The following LCORL variants were observed in gnomAD, a reference collection of about 807,000 sequenced individuals.
The protein encoded by LCORL is ligand dependent nuclear receptor corepressor like.
Under a neutral mutation model 141.8 loss-of-function variants are expected in LCORL, and 41 were observed. The ratio of observed to expected loss-of-function variants is 0.29; its 90% confidence interval spans 0.23 to 0.38. The LOEUF (loss-of-function observed/expected upper bound fraction) is 0.38, where lower values mean the gene tolerates loss of function less well. Among genes scored for constraint, LCORL ranks in the 10% least tolerant of loss-of-function variants. LCORL has a pLI of 1.00. For synonymous variants in LCORL, 618 were observed against 694.1 expected, an observed-to-expected ratio of 0.89 and a Z score of 1.72; for missense variants, 1,759 against 2,035.0, an observed-to-expected ratio of 0.86 and a Z score of 2.61.
At chr4:17,893,734 C>T (rs1484475716) in intron 5 of LCORL, among the ~76,000 whole-genome samples, 1 of 152,116 alleles carries the variant, frequency 6.6e-6, no homozygotes, top group Non-Finnish European at 1.5e-5. Context: ...GTATCTTCAA[C>T]TAGAATCAAA....
intron 7 of LCORL, among the ~76,000 whole-genome samples, chr4:17,854,152 G>T (rs752822387): frequency 2.0e-5 from 3 of 152,082 alleles, no homozygotes; most frequent in African/African-American, 7.2e-5. Flanking sequence ...TAGAGCTCGA[G>T]TTCTGATCCT....
chr4:17,945,399 T>A (rs1738698603), intron 4 of LCORL, among the ~76,000 whole-genome samples: 1 of 149,614 alleles, frequency 6.7e-6, no homozygotes, highest in Non-Finnish European at 1.5e-5. Context: ...ACTGACTGGC[T>A]TATAAATTGG....
At chr4:17,917,281 C>T (rs1260091169) in intron 4 of LCORL, among the ~76,000 whole-genome samples, 1 of 152,206 alleles carries the variant, frequency 6.6e-6, no homozygotes, top group African/African-American at 2.4e-5. Flanking sequence ...CTCACTCTGC[C>T]TCCTGGGTTC....
At chr4:17,932,363 AAG>A (rs1736187566) in intron 4 of LCORL, among the ~76,000 whole-genome samples, 1 of 152,096 alleles carries the variant, frequency 6.6e-6, no homozygotes, top group African/African-American at 2.4e-5. Flanking sequence ...TTCAGTATTT[AAG>A]AGAGTTTGTC....
intron 1 of LCORL, among the ~76,000 whole-genome samples, chr4:17,986,193 A>G (rs144605324): frequency 2.1e-3 from 326 of 152,204 alleles, no homozygotes; most frequent in African/African-American, 7.3e-3. Flanking sequence ...TACCTTTAAC[A>G]TTCTTTCATT....
intron 5 of LCORL, among the ~76,000 whole-genome samples, chr4:17,888,193 C>G (rs925089227): frequency 6.6e-6 from 1 of 152,026 alleles, no homozygotes; most frequent in African/African-American, 2.4e-5. Context: ...TAAATGTTTG[C>G]TGAATAGAAT....
rs115501980 is a variant in LCORL at position 17,962,429 on chromosome 4, C to T, written c.301-397G>A. 2.6e-3 allele frequency among the ~76,000 whole-genome samples: 402 copies of T among 152,132 alleles called. 3 individuals are homozygous for T. The highest frequency in any genetic ancestry group is 9.2e-3 in the African/African-American group (381 of 41,536). ...TTTCAATTCTTCTCAGCCCTTCTCACAACAGTAGAAAAGAAATCAGAATTT... is the reference window on the plus strand; with the variant it reads ...TTTCAATTCTTCTCAGCCCTTCTCATAACAGTAGAAAAGAAATCAGAATTT... On this transcript the variant is annotated intron_variant, in intron 3 of 7. Transcript: ENST00000635767.
chr4:17,969,682 T>A (rs1014609871), intron 2 of LCORL, among the ~76,000 whole-genome samples: 1 of 152,154 alleles, frequency 6.6e-6, no homozygotes, highest in Admixed American at 6.5e-5. Flanking sequence ...ACATCAAGCA[T>A]GGGTTAAATT....
intron 4 of LCORL, among the ~76,000 whole-genome samples, chr4:17,929,017 C>T (rs1735589655): frequency 6.6e-6 from 1 of 151,958 alleles, no homozygotes; most frequent in Admixed American, 6.6e-5. Flanking sequence ...AAAACAATTC[C>T]AAAATGTAAT....
chr4:17,984,204 T>C (rs745660381), intron 1 of LCORL, among the ~76,000 whole-genome samples: 22 of 152,142 alleles, frequency 1.4e-4, no homozygotes, highest in Non-Finnish European at 3.1e-4. Context: ...ATCTATGTTC[T>C]TCAAGGATAT....
chr4:17,848,202 T>C (rs903106526), intron 7 of LCORL, among the ~76,000 whole-genome samples: 2 of 152,064 alleles, frequency 1.3e-5, no homozygotes, highest in African/African-American at 2.4e-5. Flanking sequence ...TTTACTAATA[T>C]ACAGCTTGAC....
chr4:18,019,271 G>A (rs762277122), intron 1 of LCORL, among the ~76,000 whole-genome samples: 2 of 152,118 alleles, frequency 1.3e-5, no homozygotes, highest in African/African-American at 2.4e-5. Flanking sequence ...TCCAGGAGGC[G>A]GAGGTTGCAG....
intron 1 of LCORL, among the ~76,000 whole-genome samples, chr4:17,982,232 G>T (rs1229885432): frequency 6.6e-6 from 1 of 151,682 alleles, no homozygotes; most frequent in Non-Finnish European, 1.5e-5. Context: ...GTGCCACAAT[G>T]AACATATGCG....
At chr4:18,018,358 G>A (rs934365057) in intron 1 of LCORL, among the ~76,000 whole-genome samples, 1 of 152,092 alleles carries the variant, frequency 6.6e-6, no homozygotes, top group African/African-American at 2.4e-5. Flanking sequence ...ACACAGTACA[G>A]TATAGGATAA....
chr4:17,909,237 T>G (rs752659102), exon 5 of LCORL: 2 of 1,613,560 alleles, frequency 1.2e-6, no homozygotes, highest in Admixed American at 3.3e-5. Context: ...TCTATTCTCT[T>G]GAGTTTTACC....
chr4:17,983,667 G>A (rs1311701603), intron 1 of LCORL, among the ~76,000 whole-genome samples: 1 of 152,168 alleles, frequency 6.6e-6, no homozygotes, highest in African/African-American at 2.4e-5. Context: ...CTTTTGGGCT[G>A]AGACTATGGG....
chr4:17,945,755 A>ATT (rs533325159), intron 4 of LCORL, among the ~76,000 whole-genome samples: 2 of 152,070 alleles, frequency 1.3e-5, no homozygotes, highest in South Asian at 4.1e-4. Context: ...TTTTAGATGC[A>ATT]TTATATATAG....
intron 5 of LCORL, among the ~76,000 whole-genome samples, chr4:17,897,213 CTTTTTTTT>C (rs761784734): frequency 1.3e-4 from 8 of 63,996 alleles, no homozygotes; most frequent in Admixed American, 2.5e-4. Context: ...ATACTGATTT[CTTTTTTTT>C]TTTTTTTTTT....
Position 17,907,825 on chromosome 4 carries a change from C to A in LCORL, c.682+1269G>T, listed in dbSNP as rs539560415. 2.0e-5 allele frequency among the ~76,000 whole-genome samples: 3 copies of A among 152,254 alleles called. No homozygotes were observed. In the East Asian group the frequency reaches 5.8e-4, roughly 29 times the overall value. On this transcript the variant is annotated intron_variant, in intron 5 of 7. Transcript: ENST00000635767. ...CCCGGGGAAGCCAAAAGGTTGGACA[C>A]CCATGCGATATCATAGTTATCTTTT...
Sources: allele counts gnomAD v4.1 joint callset (sites outside exome capture counted in the v4.1 genomes callset), GRCh38; gene constraint gnomAD v4.1.1; transcripts MANE v1.5; gene names NCBI Gene and HGNC (gene_info 2026-07-23, HGNC 2026-07-21).